KCNB2: variants seen among roughly 807,000 people sequenced by gnomAD.
KCNB2 encodes potassium voltage-gated channel subfamily B member 2, also known as delayed rectifier potassium channel protein.
A neutral mutation model predicts 61.5 loss-of-function variants in KCNB2; 15 were observed. The observed-to-expected ratio is 0.24, with a 90% CI of 0.16 to 0.38. The LOEUF (loss-of-function observed/expected upper bound fraction) is 0.38. Among genes scored for constraint, KCNB2 ranks in the 10% least tolerant of loss-of-function variants. KCNB2 has a pLI of 1.00. For missense variants in KCNB2, 828 were observed against 1,125.2 expected, an observed-to-expected ratio of 0.74 and a Z score of 3.78; for synonymous variants, 457 against 446.0, an observed-to-expected ratio of 1.02 and a Z score of -0.31.
intron 2 of KCNB2, among the ~76,000 whole-genome samples, chr8:72,720,323 A>G (rs772675878): frequency 6.6e-6 from 1 of 152,136 alleles, no homozygotes; most frequent in Non-Finnish European, 1.5e-5. Context: ...CCATTTCCTC[A>G]TCTGTTCTGG....
chr8:72,621,865 A>C (rs1805718175), intron 2 of KCNB2, among the ~76,000 whole-genome samples: 1 of 152,206 alleles, frequency 6.6e-6, no homozygotes, highest in African/African-American at 2.4e-5. Flanking sequence ...TTAATGTTGA[A>C]AGCTGGTCTT....
At position 72,631,901 on chromosome 8, in the gene KCNB2, T is replaced by C. The variant is rs191045422; in HGVS notation, c.579+63588T>C. ...TCAGTCAACTCAGCCCACTGCCTTT[T>C]TCTGTATGGTCTACAAGCCTAGAAG... On this transcript the variant is annotated intron_variant, in intron 2 of 2. Coordinates refer to ENST00000523207, the MANE Select transcript of KCNB2 (RefSeq NM_004770.3). 1.1e-3 allele frequency among the ~76,000 whole-genome samples: 165 copies of C among 152,210 alleles called. 3 individuals carry two copies. The highest frequency in any genetic ancestry group is 3.1e-4 in the Non-Finnish European group (21 of 68,012).
chr8:72,821,334 G>A (rs1026039396), intron 2 of KCNB2, among the ~76,000 whole-genome samples: 10 of 152,126 alleles, frequency 6.6e-5, no homozygotes, highest in Middle Eastern at 3.4e-3. Context: ...ATGTGCTAAC[G>A]CATGACTAAA....
chr8:72,618,883 C>A, intron 2 of KCNB2: 1 of 288,530 alleles, frequency 3.5e-6, no homozygotes, highest in Non-Finnish European at 6.9e-6. Flanking sequence ...CGTTTTAACT[C>A]TGCCAGTTTC....
At chr8:72,579,970 AAACAG>A (rs1806865711) in intron 2 of KCNB2, among the ~76,000 whole-genome samples, 1 of 152,214 alleles carries the variant, frequency 6.6e-6, no homozygotes, top group South Asian at 2.1e-4. Context: ...GACTTTCTCA[AAACAG>A]CAGGAGGGGA....
intron 2 of KCNB2, among the ~76,000 whole-genome samples, chr8:72,923,918 A>G (rs1806582722): frequency 6.6e-6 from 1 of 152,188 alleles, no homozygotes; most frequent in Non-Finnish European, 1.5e-5. Flanking sequence ...TCTAACTTCC[A>G]AAACATCTTC....
chr8:72,740,798 A>T (rs1044910347), intron 2 of KCNB2, among the ~76,000 whole-genome samples: 1 of 152,190 alleles, frequency 6.6e-6, no homozygotes, highest in Non-Finnish European at 1.5e-5. Flanking sequence ...ACTACAATCA[A>T]GCATTTTGAA....
chr8:72,891,254 A>G (rs1805891903), intron 2 of KCNB2, among the ~76,000 whole-genome samples: 1 of 152,218 alleles, frequency 6.6e-6, no homozygotes, highest in Non-Finnish European at 1.5e-5. Flanking sequence ...TTGTGGTCAT[A>G]TATCATCAGG....
intron 2 of KCNB2, among the ~76,000 whole-genome samples, chr8:72,694,855 A>G (rs1806993054): frequency 6.6e-6 from 1 of 151,784 alleles, no homozygotes; most frequent in Admixed American, 6.6e-5. Flanking sequence ...TTAATAAAAT[A>G]AAATAGTTAA....
chr8:72,739,290 T>C (rs1807903689), intron 2 of KCNB2, among the ~76,000 whole-genome samples: 1 of 151,810 alleles, frequency 6.6e-6, no homozygotes, highest in Non-Finnish European at 1.5e-5. Flanking sequence ...ACACCTATTA[T>C]GTGCCACGGT....
chr8:72,695,796 A>G (rs575203545), intron 2 of KCNB2, among the ~76,000 whole-genome samples: 1 of 152,298 alleles, frequency 6.6e-6, no homozygotes, highest in South Asian at 2.1e-4. Context: ...TGAGTGAATC[A>G]CTGACAAAAC....
At chr8:72,821,416 C>G (rs1270911130) in intron 2 of KCNB2, among the ~76,000 whole-genome samples, 1 of 152,114 alleles carries the variant, frequency 6.6e-6, no homozygotes, top group African/African-American at 2.4e-5. Flanking sequence ...GTTCAAGTAC[C>G]AGCTGCAACC....
intron 2 of KCNB2, among the ~76,000 whole-genome samples, chr8:72,932,142 A>T (rs1223948743): frequency 6.6e-6 from 1 of 152,212 alleles, no homozygotes; most frequent in African/African-American, 2.4e-5. Flanking sequence ...TCATGGCCCA[A>T]TAATGAAATG....
At chr8:72,695,203 A>G (rs1807000314) in intron 2 of KCNB2, among the ~76,000 whole-genome samples, 1 of 152,154 alleles carries the variant, frequency 6.6e-6, no homozygotes, top group South Asian at 2.1e-4. Flanking sequence ...TTTGATATAA[A>G]TAACTATCAA....
chr8:72,934,856 C>A (rs1313107444), intron 2 of KCNB2, among the ~76,000 whole-genome samples: 5 of 151,798 alleles, frequency 3.3e-5, no homozygotes, highest in African/African-American at 1.2e-4. Context: ...CTTCTGCTTG[C>A]CCCATAAATC....
chr8:72,814,119 T>A (rs762881661), intron 2 of KCNB2, among the ~76,000 whole-genome samples: 15 of 152,212 alleles, frequency 9.9e-5, no homozygotes, highest in Non-Finnish European at 1.9e-4. Flanking sequence ...GCTTTTTTTG[T>A]ATCTAGTTTC....
At chr8:72,746,397 A>G (rs1585868507) in intron 2 of KCNB2, among the ~76,000 whole-genome samples, 1 of 152,296 alleles carries the variant, frequency 6.6e-6, no homozygotes, top group East Asian at 1.9e-4. Flanking sequence ...TAGAACCTCA[A>G]TGTCCTTAAC....
At position 72,548,331 on chromosome 8, in the gene KCNB2, A is replaced by G. The variant is rs547674944; in HGVS notation, c.-94+10446A>G. Among the ~76,000 whole-genome samples, 4 of 152,172 alleles carry G rather than the reference A, an allele frequency of 2.6e-5. No individual in the cohort carries two copies. The South Asian group carries it at 6.2e-4, about 24-fold the overall frequency. Reference sequence around the variant, plus strand: ...GCCTTTAAAATTTCCATTTGGAAAAATGAACAATGGGAGACATAAACCAGT... The same window carrying G: ...GCCTTTAAAATTTCCATTTGGAAAAGTGAACAATGGGAGACATAAACCAGT... On this transcript the variant is annotated intron_variant, in intron 1 of 2. Coordinates refer to ENST00000523207, the MANE Select transcript of KCNB2 (RefSeq NM_004770.3).
chr8:72,775,669 C>A (rs141797636), intron 2 of KCNB2, among the ~76,000 whole-genome samples: 12 of 152,158 alleles, frequency 7.9e-5, no homozygotes, highest in East Asian at 1.9e-4. Context: ...GACCCTCCCC[C>A]CTTCCAGCCT....
Sources: allele counts gnomAD v4.1 joint callset (sites outside exome capture counted in the v4.1 genomes callset), GRCh38; gene constraint gnomAD v4.1.1; transcripts MANE v1.5; gene names NCBI Gene and HGNC (gene_info 2026-07-23, HGNC 2026-07-21).